Variants in MME observed in about 807,000 individuals in gnomAD.
The protein encoded by MME is membrane metalloendopeptidase.
MME carries 98 observed loss-of-function variants against 113.2 expected under a neutral mutation model. The observed-to-expected ratio is 0.87, with a 90% CI of 0.74 to 1.02. The LOEUF (loss-of-function observed/expected upper bound fraction) is 1.02, where lower values mean the gene tolerates loss of function less well. Ranked by LOEUF, MME falls within the 50% of genes least tolerant of loss-of-function variation. The pLI, the probability that MME is intolerant of heterozygous loss-of-function variation, is 0.00. For synonymous variants in MME, 292 were observed against 300.6 expected (o/e 0.97, Z 0.30); for missense variants, 836 against 896.0 (o/e 0.93, Z 0.86).
chr3:155,059,050 T>G (rs1714043458), intron 1 of MME, among the ~76,000 whole-genome samples: 1 of 151,836 alleles, frequency 6.6e-6, no homozygotes, highest in Non-Finnish European at 1.5e-5. Context: ...GGTCAGGAGT[T>G]TGAGACCAGC....
chr3:155,114,875 GA>G (rs1462326276), intron 3 of MME, 118 bp from the exon 4 acceptor site: 4 of 994,662 alleles, frequency 4.0e-6, no homozygotes, highest in Non-Finnish European at 6.3e-6. Flanking sequence ...ATATAAAAAA[GA>G]AAACGGAGCA....
Position 155,142,034 on chromosome 3 carries a change from T to A in MME, c.1001T>A (p.Val334Glu). 1 of 1,613,676 alleles carries A rather than the reference T, an allele frequency of 6.2e-7. No homozygotes were observed. The highest frequency in any genetic ancestry group is 1.3e-5 in the African/African-American group (1 of 75,018). The change falls in exon 11 of 23, where the codon GTG becomes GAG. Residue 334 changes from valine to glutamate, a missense_variant. By Grantham distance (121) the Val-to-Glu change is moderately radical. Coordinates refer to ENST00000360490, the MANE Select transcript of MME (RefSeq NM_007289.4). ...LNFTNEIMSTVNISITNEEDV... is the reference protein window; with the variant it reads ...LNFTNEIMSTENISITNEEDV... The stretch of plus-strand genomic sequence containing the variant: ...TTCACAAATGAAATCATGTCAACTG[T>A]GAATATTAGTATTACAAATGAGGAA...
At chr3:155,040,389 G>A (rs1179055265) in intron 1 of MME, among the ~76,000 whole-genome samples, 1 of 152,112 alleles carries the variant, frequency 6.6e-6, no homozygotes, top group Non-Finnish European at 1.5e-5. Context: ...GAGAACTGAT[G>A]CCTGAACAGA....
intron 1 of MME, chr3:155,024,353 T>G (rs1458012644): frequency 6.6e-6 from 1 of 152,222 alleles, no homozygotes; most frequent in Non-Finnish European, 1.5e-5. Context: ...TTTTTTAAAT[T>G]TATTACTAAC....
chr3:155,039,606 T>C (rs547177507), intron 1 of MME, among the ~76,000 whole-genome samples: 131 of 152,298 alleles, frequency 8.6e-4, no homozygotes, highest in African/African-American at 3.2e-3. Flanking sequence ...AATTTGCCAA[T>C]TAATCATAGT....
At chr3:155,089,193 C>CA (rs1261815041) in intron 3 of MME, among the ~76,000 whole-genome samples, 1 of 152,132 alleles carries the variant, frequency 6.6e-6, no homozygotes, top group African/African-American at 2.4e-5. Flanking sequence ...AGGCAGGGAT[C>CA]AAAATGCTTC....
intron 2 of MME, 43 bp from the exon 3 acceptor site, chr3:155,085,016 A>AG: frequency 1.4e-6 from 2 of 1,395,978 alleles, no homozygotes; most frequent in Non-Finnish European, 2.0e-6. Context: ...AAATTTAAAA[A>AG]TTTGTGTTGC....
chr3:155,083,157 C>T (rs575533024), intron 1 of MME, among the ~76,000 whole-genome samples: 7 of 152,174 alleles, frequency 4.6e-5, no homozygotes, highest in Admixed American at 1.3e-4. Context: ...TTCTACAGTA[C>T]GCTTTTACTG....
intron 3 of MME, among the ~76,000 whole-genome samples, chr3:155,099,991 G>C (rs1346805296): frequency 6.6e-6 from 1 of 152,170 alleles, no homozygotes; most frequent in Non-Finnish European, 1.5e-5. Context: ...ATAGGCATGG[G>C]CAAGGACTTC....
chr3:155,047,624 T>C (rs1282800839), intron 1 of MME, among the ~76,000 whole-genome samples: 1 of 152,214 alleles, frequency 6.6e-6, no homozygotes, highest in Non-Finnish European at 1.5e-5. Flanking sequence ...CTTAGTTATA[T>C]TAGCTGCATT....
Position 155,061,450 on chromosome 3 carries a change from CAA to C in MME, c.-10-22689_-10-22688del, listed in dbSNP as rs768689390. On this transcript the variant is annotated intron_variant, in intron 1 of 22. Transcript: ENST00000492661. ...TGGGCGACAGAGCGAGGCTCCATCT[CAA>C]AAAAAAAAAAAAAAAAAAGGTATCA... is the stretch of plus-strand genomic sequence containing the variant. 1.0e-3 allele frequency among the ~76,000 whole-genome samples: 55 copies of C among 52,508 alleles called. No homozygotes were observed. In the South Asian group the frequency reaches 0.014, roughly 14 times the overall value. 34.4% of individuals were successfully genotyped at this position (52,508 alleles called of 152,430 possible).
At chr3:155,095,764 C>T (rs1215210586) in intron 3 of MME, among the ~76,000 whole-genome samples, 3 of 152,010 alleles carry the variant, frequency 2.0e-5, no homozygotes, top group African/African-American at 7.3e-5. Context: ...TAAAATACCC[C>T]CTGCCGTCAG....
At chr3:155,175,292 A>G (rs929016691) in intron 22 of MME, among the ~76,000 whole-genome samples, 7 of 151,618 alleles carry the variant, frequency 4.6e-5, no homozygotes, top group Non-Finnish European at 4.4e-5. Flanking sequence ...TTTCTTTCCT[A>G]GTTTTCTTTC....
intron 1 of MME, among the ~76,000 whole-genome samples, chr3:155,040,850 C>T (rs1713291102): frequency 6.6e-6 from 1 of 152,068 alleles, no homozygotes; most frequent in Non-Finnish European, 1.5e-5. Context: ...TTTTAAGAAA[C>T]TATTACTCAA....
intron 3 of MME, chr3:155,090,037 G>A (rs1356526148): frequency 3.8e-6 from 1 of 263,154 alleles, no homozygotes; most frequent in Admixed American, 4.1e-5. Context: ...AAATTATCCA[G>A]AGGCCAGAGA....
intron 8 of MME, among the ~76,000 whole-genome samples, chr3:155,137,101 T>A (rs1156388638): frequency 6.6e-6 from 1 of 152,244 alleles, no homozygotes; most frequent in Non-Finnish European, 1.5e-5. Context: ...ACAACTATTC[T>A]ATAGTTTACT....
chr3:155,093,446 C>A (rs1050021684), intron 3 of MME, among the ~76,000 whole-genome samples: 1 of 152,174 alleles, frequency 6.6e-6, no homozygotes. Flanking sequence ...CCATCTGGAT[C>A]AAAGCCAGAC....
In MME at chr3:155,141,758, G is replaced by A. The variant is rs761271248; in HGVS notation, c.958-233G>A. ...AGATGACATTAAGCCTAATTTCTAG[G>A]TATATGTTCCTTAAGCTTAAAGGCT... is the stretch of plus-strand genomic sequence containing the variant. On this transcript the variant is annotated intron_variant, in intron 10 of 22. Coordinates refer to ENST00000360490, the MANE Select transcript of MME (RefSeq NM_007289.4). Among the ~76,000 whole-genome samples the A allele has an allele frequency of 3.9e-5, 6 of 152,020 alleles. No homozygotes were observed. In the East Asian group the frequency reaches 1.2e-3, roughly 29 times the overall value.
intron 16 of MME, among the ~76,000 whole-genome samples, chr3:155,156,407 G>A (rs1350232761): frequency 1.3e-5 from 2 of 152,102 alleles, no homozygotes; most frequent in Non-Finnish European, 2.9e-5. Context: ...CAAGAAAATG[G>A]CATTAATCCC....
Sources: allele counts gnomAD v4.1 joint callset (sites outside exome capture counted in the v4.1 genomes callset), GRCh38; gene constraint gnomAD v4.1.1; transcripts MANE v1.5; gene names NCBI Gene and HGNC (gene_info 2026-07-23, HGNC 2026-07-21).